Variants in FAM13C observed in about 807,000 individuals in gnomAD.
FAM13C encodes protein FAM13C.
A neutral mutation model predicts 73.2 loss-of-function variants in FAM13C; 37 were observed. The observed-to-expected ratio is 0.51, with a 90% CI of 0.39 to 0.67. The LOEUF (loss-of-function observed/expected upper bound fraction) is 0.67. Among genes scored for constraint, FAM13C ranks in the 30% least tolerant of loss-of-function variants. The pLI is 0.00. For missense variants in FAM13C, 589 were observed against 715.6 expected (o/e 0.82, Z 2.02); for synonymous variants, 246 against 260.9 (o/e 0.94, Z 0.55).
At chr10:59,268,764 A>C (rs1843371465) in intron 7 of FAM13C, 73 bp from the exon 8 acceptor site, 1 of 1,529,214 alleles carries the variant, frequency 6.5e-7, no homozygotes, top group Non-Finnish European at 8.8e-7. Flanking sequence ...TGATCTACAA[A>C]CCAAAATTCC....
intron 1 of FAM13C, among the ~76,000 whole-genome samples, chr10:59,360,518 G>T (rs1380521148): frequency 6.6e-6 from 1 of 152,116 alleles, no homozygotes; most frequent in Non-Finnish European, 1.5e-5. Context: ...ATAGCACCTT[G>T]GTCCTGAGGG....
At chr10:59,287,873 T>C (rs1033354821) in intron 5 of FAM13C, among the ~76,000 whole-genome samples, 1 of 152,206 alleles carries the variant, frequency 6.6e-6, no homozygotes, top group Admixed American at 6.5e-5. Flanking sequence ...GGCTGTACAC[T>C]ACACTGACAC....
intron 5 of FAM13C, among the ~76,000 whole-genome samples, chr10:59,292,902 G>C (rs1390236624): frequency 6.6e-6 from 1 of 151,892 alleles, no homozygotes; most frequent in Non-Finnish European, 1.5e-5. Context: ...TTATTGACGA[G>C]AGTCACACTA....
intron 1 of FAM13C, among the ~76,000 whole-genome samples, chr10:59,361,520 G>C (rs1469273906): frequency 1.3e-5 from 2 of 152,026 alleles, no homozygotes; most frequent in African/African-American, 4.8e-5. Context: ...TTCCTGAAAA[G>C]ATGTTTAGAG....
chr10:59,345,597 G>A (rs1385194162), intron 3 of FAM13C, among the ~76,000 whole-genome samples: 1 of 152,134 alleles, frequency 6.6e-6, no homozygotes, highest in Non-Finnish European at 1.5e-5. Context: ...CAATAGACTT[G>A]TTAATTCAAA....
In FAM13C at chr10:59,302,818, G is replaced by A. The variant is rs773601984; in HGVS notation, c.490C>T (p.Arg164Trp). The A allele has an allele frequency of 2.2e-5, 35 of 1,613,918 alleles. No homozygotes were observed. The highest frequency in any genetic ancestry group is 3.3e-4 in the Middle Eastern group (2 of 6,084). Residue 164 changes from arginine to tryptophan, a missense_variant, in exon 5 of 14, where the codon CGG becomes TGG. Arg to Trp is a moderately radical substitution (Grantham distance 101). Coordinates refer to ENST00000618804, the MANE Select transcript of FAM13C (RefSeq NM_198215.4). ...GCACGTACCTCATTTAAGTCCTGCC[G>A]AGTTTCAAAAGCATCCTTTGGCGAA... ...AISPKDAFET[R>W]QDLNEEEAAQ...
Position 59,254,435 on chromosome 10 carries a change from C to G in FAM13C, c.1245G>C (p.Lys415Asn). The G allele has an allele frequency of 2.7e-6, 4 of 1,489,924 alleles. No homozygotes were observed. Among genetic ancestry groups the G allele is most frequent in the Non-Finnish European group, 3.6e-6 (4 of 1,115,288 alleles). 92.3% of individuals were successfully genotyped at this position (1,489,924 alleles called of 1,614,324 possible). The change falls in exon 11 of 14, where the codon AAG becomes AAC. Residue 415 changes from lysine (K) to asparagine (N), a missense_variant. Transcript: ENST00000618804. ...LPPQEDSKVT[K>N]QDKNLIKPLY... ...GCGGCTTTATGAGGTTCTTGTCTTG[C>G]TTAGTTACCTGAAAAACATGAAATT...
chr10:59,280,305 T>C (rs1370787609), intron 6 of FAM13C, among the ~76,000 whole-genome samples: 2 of 152,146 alleles, frequency 1.3e-5, no homozygotes, highest in East Asian at 3.9e-4. Context: ...CAATTTCCTC[T>C]CCATCAATTT....
chr10:59,335,348 A>C (rs1852582613), intron 3 of FAM13C, among the ~76,000 whole-genome samples: 2 of 152,204 alleles, frequency 1.3e-5, no homozygotes, highest in South Asian at 4.1e-4. Flanking sequence ...AGGACCTACG[A>C]GACCCAAATA....
intron 4 of FAM13C, among the ~76,000 whole-genome samples, chr10:59,307,066 T>C (rs527413830): frequency 1.3e-5 from 2 of 152,308 alleles, no homozygotes; most frequent in Admixed American, 6.5e-5. Context: ...AGGTTTCTTT[T>C]TTTTTAATGA....
At chr10:59,306,027 C>T (rs1403785946) in intron 4 of FAM13C, among the ~76,000 whole-genome samples, 1 of 152,186 alleles carries the variant, frequency 6.6e-6, no homozygotes, top group Non-Finnish European at 1.5e-5. Context: ...TTCTTTGTAA[C>T]CCTCAGTAGT....
chr10:59,267,558 C>T (rs923782828), intron 8 of FAM13C, among the ~76,000 whole-genome samples: 4 of 152,172 alleles, frequency 2.6e-5, no homozygotes, highest in Admixed American at 2.6e-4. Context: ...TGATTTTTCC[C>T]CCATTTTTGC....
intron 5 of FAM13C, among the ~76,000 whole-genome samples, chr10:59,293,490 A>AT (rs1210698729): frequency 3.3e-5 from 5 of 152,192 alleles, no homozygotes; most frequent in Non-Finnish European, 7.3e-5. Flanking sequence ...GTTGCTGTAA[A>AT]TGACAATATT....
chr10:59,309,248 T>C (rs1848651025), intron 4 of FAM13C, among the ~76,000 whole-genome samples: 1 of 152,104 alleles, frequency 6.6e-6, no homozygotes, highest in South Asian at 2.1e-4. Flanking sequence ...CACTGCCATC[T>C]GGGGCCAAGC....
At chr10:59,254,024 T>C in intron 11 of FAM13C, 1 of 317,562 alleles carries the variant, frequency 3.1e-6, no homozygotes, top group Non-Finnish European at 5.7e-6. Flanking sequence ...AGGCTCTGTT[T>C]TGTCTAGCTG....
intron 4 of FAM13C, 102 bp from the exon 5 acceptor site, chr10:59,302,966 C>A: frequency 7.9e-6 from 8 of 1,008,372 alleles, no homozygotes; most frequent in Non-Finnish European, 1.2e-5. Context: ...CTGATAAAAA[C>A]CCTTGGTTGT....
At chr10:59,295,105 T>C (rs969090511) in intron 5 of FAM13C, among the ~76,000 whole-genome samples, 8 of 152,222 alleles carry the variant, frequency 5.3e-5, no homozygotes, top group Admixed American at 2.6e-4. Context: ...GACTGAAGTA[T>C]GGGACTTTTT....
intron 11 of FAM13C, 178 bp downstream of exon 11, chr10:59,254,170 C>G: frequency 2.5e-6 from 1 of 405,292 alleles, no homozygotes; most frequent in South Asian, 1.2e-4. Flanking sequence ...ATATCAGCCA[C>G]TGTTAAATAT....
rs3078327 is a variant in FAM13C, at chr10:59,337,667, CTTTTTTTTTTTTTTTTTTTTT to C, written c.325-13582_325-13562del. On this transcript the variant is annotated intron_variant, in intron 3 of 13. Transcript: ENST00000618804. ...TTTCCATTTTCTTTTTTTTCTTTTT[CTTTTTTTTTTTTTTTTTTTTT>C]TTTTTTTTGAGATAGAGTTTCATTC... is the stretch of plus-strand genomic sequence containing the variant. Among the ~76,000 whole-genome samples, 5 of 71,034 alleles carry C rather than the reference CTTTTTTTTTTTTTTTTTTTTT, an allele frequency of 7.0e-5. No individual in the cohort carries two copies. In the East Asian group the frequency reaches 2.1e-3, roughly 30 times the overall value. 46.6% of individuals were successfully genotyped at this position (71,034 alleles called of 152,430 possible).
Sources: allele counts gnomAD v4.1 joint callset (sites outside exome capture counted in the v4.1 genomes callset), GRCh38; gene constraint gnomAD v4.1.1; transcripts MANE v1.5; gene names NCBI Gene and HGNC (gene_info 2026-07-23, HGNC 2026-07-21).